The following HELLS variants were observed in gnomAD, a reference collection of about 807,000 sequenced individuals.
HELLS encodes the protein lymphoid-specific helicase.
Under a neutral mutation model 120.0 loss-of-function variants are expected in HELLS, and 32 were observed. The ratio of observed to expected loss-of-function variants is 0.27; its 90% CI spans 0.20 to 0.36. HELLS has a LOEUF of 0.36. Among genes scored for constraint, HELLS ranks in the 10% least tolerant of loss-of-function variants. The pLI is 1.00. For missense variants in HELLS, 650 were observed against 993.4 expected (o/e 0.65, Z 4.65); for synonymous variants, 341 against 323.4 (o/e 1.05, Z -0.58).
intron 21 of HELLS, among the ~76,000 whole-genome samples, chr10:94,599,087 A>T (rs1392085235): frequency 6.6e-6 from 1 of 151,988 alleles, no homozygotes; most frequent in Non-Finnish European, 1.5e-5. Flanking sequence ...TACTTTCTCT[A>T]GTTTTGTTCT....
At chr10:94,567,523 C>T (rs765344304) in intron 6 of HELLS, among the ~76,000 whole-genome samples, 1 of 152,112 alleles carries the variant, frequency 6.6e-6, no homozygotes, top group African/African-American at 2.4e-5. Context: ...GTCTCGAACT[C>T]CCGATCTCAG....
chr10:94,556,385 T>C (rs1165128298), intron 3 of HELLS, among the ~76,000 whole-genome samples: 1 of 152,208 alleles, frequency 6.6e-6, no homozygotes, highest in African/African-American at 2.4e-5. Context: ...GATTCATTCA[T>C]GTCATGTTTT....
chr10:94,608,977 T>C (rs1846158459), intron 9 of HELLS, among the ~76,000 whole-genome samples: 1 of 150,382 alleles, frequency 6.6e-6, no homozygotes. Flanking sequence ...TTGCAAGCGC[T>C]AGCTTGATTT....
intron 12 of HELLS, among the ~76,000 whole-genome samples, chr10:94,583,433 C>G (rs1366894775): frequency 6.6e-6 from 1 of 152,090 alleles, no homozygotes; most frequent in Non-Finnish European, 1.5e-5. Context: ...CCTACCCCAT[C>G]CTACCTATCT....
chr10:94,604,072 C>T (rs182366972), downstream of HELLS, among the ~76,000 whole-genome samples: 69 of 150,934 alleles, frequency 4.6e-4, no homozygotes, highest in African/African-American at 1.6e-3. Context: ...GTGATCTGCC[C>T]GCCTTGGCCT....
At chr10:94,549,833 G>A (rs139939743) in intron 2 of HELLS, among the ~76,000 whole-genome samples, 61 of 152,164 alleles carry the variant, frequency 4.0e-4, no homozygotes, top group Non-Finnish European at 6.9e-4. Context: ...CAGGTTTAAG[G>A]ATTAACCACT....
At chr10:94,596,131 T>A (rs1042682050) in intron 19 of HELLS, among the ~76,000 whole-genome samples, 1 of 152,134 alleles carries the variant, frequency 6.6e-6, no homozygotes, top group Non-Finnish European at 1.5e-5. Context: ...CTATTTTCGA[T>A]TTTTTAGTAG....
downstream of HELLS, among the ~76,000 whole-genome samples, chr10:94,605,529 A>T (rs1418996512): frequency 6.6e-6 from 1 of 151,812 alleles, no homozygotes; most frequent in Non-Finnish European, 1.5e-5. Flanking sequence ...CTTATATTTG[A>T]TGGATAGTTC....
chr10:94,575,664 G>C (rs947340992), intron 9 of HELLS, among the ~76,000 whole-genome samples: 3 of 150,856 alleles, frequency 2.0e-5, no homozygotes, highest in Non-Finnish European at 4.4e-5. Flanking sequence ...CTTGTGATCC[G>C]CCCACCTTGG....
chr10:94,605,272 AG>A (rs1846116789), downstream of HELLS, among the ~76,000 whole-genome samples: 1 of 151,924 alleles, frequency 6.6e-6, no homozygotes, highest in Non-Finnish European at 1.5e-5. Context: ...TAGTAGGGAC[AG>A]GGTTTCACCA....
intron 9 of HELLS, among the ~76,000 whole-genome samples, chr10:94,609,054 G>T (rs1018581625): frequency 9.5e-6 from 1 of 105,356 alleles, no homozygotes; most frequent in South Asian, 3.0e-4. Context: ...ATGGAGTTTC[G>T]CTCTTACTGC....
intron 4 of HELLS, among the ~76,000 whole-genome samples, chr10:94,560,229 A>C (rs1442139104): frequency 6.6e-6 from 1 of 152,098 alleles, no homozygotes; most frequent in Non-Finnish European, 1.5e-5. Context: ...ACAGGGTTTC[A>C]CCATCTTGGC....
intron 13 of HELLS, 27 bp downstream of exon 13, chr10:94,588,417 A>C: frequency 2.0e-6 from 3 of 1,482,240 alleles, no homozygotes; most frequent in South Asian, 1.4e-5. Context: ...ATGTACTGTA[A>C]ATGAAACTTG....
intron 3 of HELLS, among the ~76,000 whole-genome samples, chr10:94,556,603 C>T: frequency 6.6e-6 from 1 of 152,126 alleles, no homozygotes; most frequent in Non-Finnish European, 1.5e-5. Flanking sequence ...TATAATTCTT[C>T]TCGCCCGTCC....
intron 17 of HELLS, among the ~76,000 whole-genome samples, chr10:94,593,186 A>C (rs560240143): frequency 6.6e-6 from 1 of 152,154 alleles, no homozygotes; most frequent in African/African-American, 2.4e-5. Context: ...CTTCTAGTCA[A>C]TTCTCCCCTG....
chr10:94,613,528 A>G (rs1846214830), exon 10 of HELLS: 1 of 152,190 alleles, frequency 6.6e-6, no homozygotes, highest in African/African-American at 2.4e-5. Context: ...TTAAAGATAT[A>G]ATTTTTTCCC....
At position 94,582,615 on chromosome 10, in the gene HELLS, T is replaced by C. The variant is rs899626876; in HGVS notation, c.1230-348T>C. Among the ~76,000 whole-genome samples, 5 of 152,192 alleles carry C rather than the reference T, an allele frequency of 3.3e-5. No individual in the cohort carries two copies. In the East Asian group the frequency reaches 9.6e-4, roughly 29 times the overall value. On this transcript the variant is annotated intron_variant, in intron 11 of 21. Transcript: ENST00000348459. ...CTTAGACTGATGGAGAAAAATCATA[T>C]GGCTTTGGTTTTCAGAGATAGTTCT...
intron 6 of HELLS, among the ~76,000 whole-genome samples, chr10:94,568,782 T>G (rs974281102): frequency 6.6e-6 from 1 of 151,940 alleles, no homozygotes; most frequent in Non-Finnish European, 1.5e-5. Flanking sequence ...TTCTTTGTAT[T>G]ACGGAAAATC....
chr10:94,609,749 C>G (rs1846169976), intron 9 of HELLS: 1 of 152,214 alleles, frequency 6.6e-6, no homozygotes, highest in African/African-American at 2.4e-5. Context: ...GAATCAGACA[C>G]AGGCACATTT....
Sources: gnomAD v4.1 joint callset for allele counts (sites outside exome capture counted in the v4.1 genomes callset) on GRCh38, gnomAD v4.1.1 for gene constraint, MANE v1.5 for transcripts, NCBI Gene and HGNC (gene_info 2026-07-23, HGNC 2026-07-21) for gene names.